Variants in ZNF367 observed in about 807,000 individuals in gnomAD.
ZNF367 encodes the protein C2H2 zinc finger protein ZFF29.
ZNF367 carries 11 observed loss-of-function variants against 31.8 expected under a neutral mutation model. The observed-to-expected ratio is 0.35, with a 90% CI of 0.22 to 0.57. The LOEUF is 0.57. ZNF367 is among the 20% of genes least tolerant of loss of function. The probability of loss-of-function intolerance (pLI) is 0.85; values close to 1 mark genes in which losing one functional copy is unlikely to be tolerated. For synonymous variants in ZNF367, 199 were observed against 202.4 expected, an observed-to-expected ratio of 0.98 and a Z score of 0.14; for missense variants, 353 against 484.1, an observed-to-expected ratio of 0.73 and a Z score of 2.54.
rs545449015 is a variant in ZNF367 at position 96,417,743 on chromosome 9, G to A, written c.290C>T (p.Ala97Val). The A allele has an allele frequency of 1.6e-6, 2 of 1,230,598 alleles. No individual in the cohort carries two copies. Among genetic ancestry groups the A allele is most frequent in the African/African-American group, 1.6e-5 (1 of 64,198 alleles). The allele number at this position is 1,230,598 out of a possible 1,614,324, so 76.2% of individuals were successfully genotyped here. A position where few individuals can be genotyped will look rare whatever the true frequency, so the allele number is the denominator to read the frequency against. The change falls in exon 1 of 5, where the codon GCA (alanine) becomes GTA (valine). Residue 97 changes from alanine (A) to valine (V), a missense_variant. Around this residue, in one of 5 missense-constraint regions of ZNF367, gnomAD observed 70 missense variants for 57.1 expected, o/e 1.23. Transcript: ENST00000375256. The surrounding 1 kb of genome is among the most constrained non-coding windows in gnomAD (Gnocchi z 5.0). ...CCCCGAGTGCTCGGCGGCTGCGGCTGCAGGCAGGGCGGCCGAGGCGGCGGC... is the reference window on the plus strand; with the variant it reads ...CCCCGAGTGCTCGGCGGCTGCGGCTACAGGCAGGGCGGCCGAGGCGGCGGC... ...AGAAASAALPAAAAAEHSGLR... is the reference protein window; with the variant it reads ...AGAAASAALPVAAAAEHSGLR...
At chr9:96,410,510 C>G (rs961020749) in intron 1 of ZNF367, among the ~76,000 whole-genome samples, 44 of 143,208 alleles carry the variant, frequency 3.1e-4, no homozygotes, top group African/African-American at 1.1e-3. Context: ...TGCAGTGAGC[C>G]GAGATGGCAC....
chr9:96,396,483 T>C (rs756269321), intron 2 of ZNF367, among the ~76,000 whole-genome samples: 21 of 151,894 alleles, frequency 1.4e-4, no homozygotes, highest in African/African-American at 4.6e-4. Context: ...ATCATTTAAA[T>C]ATATATTTTC....
intron 2 of ZNF367, among the ~76,000 whole-genome samples, chr9:96,395,467 T>G (rs1831520610): frequency 6.6e-6 from 1 of 152,168 alleles, no homozygotes; most frequent in African/African-American, 2.4e-5. Context: ...CTGACTTAAA[T>G]GGTCCTCTAA....
At position 96,396,744 on chromosome 9, in the gene ZNF367, C is replaced by T. The variant is rs185619552; in HGVS notation, c.571+1420G>A. 3.3e-5 allele frequency among the ~76,000 whole-genome samples: 5 copies of T among 151,974 alleles called. No homozygotes were observed. In the East Asian group the frequency reaches 5.8e-4, roughly 18 times the overall value. On this transcript the variant is annotated intron_variant, in intron 2 of 4. Coordinates refer to ENST00000375256, the MANE Select transcript of ZNF367 (RefSeq NM_153695.4). ...AGTGCAATGTCACATCTTGGCTCAC[C>T]GCAACCTCCACCTCCCGGGTTCAAG...
intron 4 of ZNF367, among the ~76,000 whole-genome samples, chr9:96,389,042 TA>T (rs1361238900): frequency 2.0e-5 from 3 of 152,324 alleles, no homozygotes; most frequent in Middle Eastern, 3.4e-3. Context: ...CTCACGCCTG[TA>T]ATCCTAGCAC....
chr9:96,386,427 T>C lies in ZNF367; in HGVS notation c.*1810A>G, dbSNP rs1279235520. On this transcript the variant is annotated 3_prime_UTR_variant, in exon 5 of 5. Coordinates refer to ENST00000375256, the MANE Select transcript of ZNF367 (RefSeq NM_153695.4). ...ACTGATGAGTGTTGTTTTTAGTTCA[T>C]TAAATCACATATTTGAGAGCAAAAA... 6.6e-6 allele frequency: 1 copy of C among 152,158 alleles called. No homozygotes were observed. Among genetic ancestry groups the C allele is most frequent in the Non-Finnish European group, 1.5e-5 (1 of 68,004 alleles). The allele number at this position is 152,158 out of a possible 1,614,324, so 9.4% of individuals were successfully genotyped here. A position where few individuals can be genotyped will look rare whatever the true frequency, so the allele number is the denominator to read the frequency against.
At chr9:96,402,453 T>TC (rs1279897149) in intron 1 of ZNF367, among the ~76,000 whole-genome samples, 1 of 126,200 alleles carries the variant, frequency 7.9e-6, no homozygotes, top group Non-Finnish European at 1.7e-5. Flanking sequence ...TCTTTTTTTT[T>TC]TTTTTTTTTT....
intron 3 of ZNF367, among the ~76,000 whole-genome samples, chr9:96,392,871 G>C (rs1377047200): frequency 6.6e-6 from 1 of 152,172 alleles, no homozygotes; most frequent in Non-Finnish European, 1.5e-5. Flanking sequence ...AATCACTTGA[G>C]ATCAGGAGCT....
intron 1 of ZNF367, among the ~76,000 whole-genome samples, chr9:96,415,796 G>T (rs1377430698): frequency 6.6e-6 from 1 of 152,008 alleles, no homozygotes; most frequent in African/African-American, 2.4e-5. Context: ...ACCGCACCTG[G>T]CAAGTTTCTT....
At chr9:96,401,487 G>T (rs1003310239) in intron 1 of ZNF367, among the ~76,000 whole-genome samples, 1 of 151,852 alleles carries the variant, frequency 6.6e-6, no homozygotes, top group Non-Finnish European at 1.5e-5. Flanking sequence ...GAGAAACCCT[G>T]TCTCTACTAA....
intron 1 of ZNF367, among the ~76,000 whole-genome samples, chr9:96,402,720 C>T (rs1831623210): frequency 6.6e-6 from 1 of 150,406 alleles, no homozygotes; most frequent in East Asian, 2.0e-4. Flanking sequence ...GATCCGCCCA[C>T]CTCGGCCTCC....
chr9:96,392,559 C>T, intron 3 of ZNF367, 23 bp from the exon 4 acceptor site: 2 of 1,577,194 alleles, frequency 1.3e-6, no homozygotes, highest in African/African-American at 1.3e-5. Flanking sequence ...AGGTTAACAC[C>T]TGTCAGGATC....
At chr9:96,392,372 G>A (rs779703798) in intron 4 of ZNF367, 26 bp downstream of exon 4, 67 of 1,613,872 alleles carry the variant, frequency 4.2e-5, no homozygotes, top group Middle Eastern at 1.6e-4. Context: ...GCATCTTCAC[G>A]GTGGACTAAA....
intron 4 of ZNF367, among the ~76,000 whole-genome samples, chr9:96,388,883 G>A (rs577160998): frequency 1.3e-5 from 2 of 152,364 alleles, no homozygotes; most frequent in Admixed American, 1.3e-4. Flanking sequence ...ATGAAAAAGT[G>A]ATTAACATCT....
intron 1 of ZNF367, among the ~76,000 whole-genome samples, chr9:96,403,035 T>C (rs1406813336): frequency 1.3e-5 from 2 of 151,900 alleles, no homozygotes; most frequent in East Asian, 3.9e-4. Context: ...AGTGGCATGA[T>C]CTCAGCTCAT....
chr9:96,393,686 C>T (rs1349805222), intron 3 of ZNF367, among the ~76,000 whole-genome samples: 1 of 152,072 alleles, frequency 6.6e-6, no homozygotes, highest in African/African-American at 2.4e-5. Flanking sequence ...ACAAAATTAA[C>T]TGGGTATGGT....
chr9:96,397,486 A>T (rs1327120751), intron 2 of ZNF367, among the ~76,000 whole-genome samples: 1 of 152,202 alleles, frequency 6.6e-6, no homozygotes, highest in African/African-American at 2.4e-5. Context: ...TCTATTAAAA[A>T]CTTGACAATT....
chr9:96,417,228 CTG>C lies in ZNF367; in HGVS notation c.420+383_420+384del, dbSNP rs1445712367. Among the ~76,000 whole-genome samples, 2 of 152,202 alleles carry C rather than the reference CTG, an allele frequency of 1.3e-5. No individual in the cohort carries two copies. Among genetic ancestry groups the C allele is most frequent in the African/African-American group, 4.8e-5 (2 of 41,466 alleles). ...GCGATCTGCAGTAATGGAGCAAACA[CTG>C]TGCGCTCCCTGCCCTCTCGCAGTCG... is the stretch of plus-strand genomic sequence containing the variant. On this transcript the variant is annotated intron_variant, in intron 1 of 4. Transcript: ENST00000375256. This position sits in a 1 kb window ranked among gnomAD's most constrained non-coding sequence, Gnocchi z 5.0.
chr9:96,389,008 G>A (rs1457702598), intron 4 of ZNF367, among the ~76,000 whole-genome samples: 1 of 152,184 alleles, frequency 6.6e-6, no homozygotes, highest in Non-Finnish European at 1.5e-5. Flanking sequence ...CTAAAGAAAT[G>A]AGTATTTAGG....
Sources: gnomAD v4.1 joint callset for allele counts (sites outside exome capture counted in the v4.1 genomes callset) on GRCh38, gnomAD v4.1.1 for gene constraint, gnomAD v4.1.1 regional missense constraint, Gnocchi (gnomAD v3.1) non-coding constraint, MANE v1.5 for transcripts, NCBI Gene and HGNC (gene_info 2026-07-23, HGNC 2026-07-21) for gene names.